The following SMC1B variants were observed in gnomAD, a reference collection of about 807,000 sequenced individuals.
The protein encoded by SMC1B is structural maintenance of chromosomes protein 1B.
A neutral mutation model predicts 157.9 loss-of-function variants in SMC1B; 60 were observed. That is an observed-to-expected ratio of 0.38 (90% CI 0.31 to 0.47). The LOEUF is 0.47. SMC1B is among the 20% of genes least tolerant of loss of function. SMC1B has a pLI of 0.99. For synonymous variants in SMC1B, 445 were observed against 483.0 expected (o/e 0.92, Z 1.03); for missense variants, 1,165 against 1,426.2 (o/e 0.82, Z 2.95).
intron 4 of SMC1B, 98 bp from the exon 5 acceptor site, chr22:45,402,669 G>A (rs568850270): frequency 6.1e-6 from 5 of 819,998 alleles, no homozygotes; most frequent in South Asian, 5.0e-5. Flanking sequence ...ACTAATGAAT[G>A]TTTATTTATT....
chr22:45,395,652 G>C (rs1026765784), intron 7 of SMC1B, among the ~76,000 whole-genome samples: 1 of 152,182 alleles, frequency 6.6e-6, no homozygotes, highest in African/African-American at 2.4e-5. Context: ...GAGGTCAGGA[G>C]TTCAAGACCA....
At chr22:45,394,562 G>A (rs545303593) in intron 8 of SMC1B, 123 bp downstream of exon 8, 46 of 1,175,254 alleles carry the variant, frequency 3.9e-5, no homozygotes, top group African/African-American at 2.2e-4. Flanking sequence ...TGTGAGCCCC[G>A]GAAGTTGAGG....
chr22:45,354,069 C>CT lies in SMC1B; in HGVS notation c.3181dup (p.Arg1061LysfsTer11). On this transcript the variant is annotated frameshift_variant, in exon 21 of 25. Transcript: ENST00000357450. LOFTEE classifies it high-confidence loss of function. ...ACACTGGGTGAAAAGATCGTATCTC[C>CT]TTTTTTTCACTTGCTCGAACTCTTG... is the stretch of plus-strand genomic sequence containing the variant. 1.9e-6 allele frequency: 3 copies of CT among 1,601,908 alleles called. No homozygotes were observed. The highest frequency in any genetic ancestry group is 1.8e-5 in the Admixed American group (1 of 57,078).
At chr22:45,408,111 G>A (rs1439426621) in intron 2 of SMC1B, among the ~76,000 whole-genome samples, 1 of 152,022 alleles carries the variant, frequency 6.6e-6, no homozygotes, top group African/African-American at 2.4e-5. Context: ...TGTCTTCAAG[G>A]TACTCCTTCC....
chr22:45,387,004 T>A lies in SMC1B; in HGVS notation c.1774A>T (p.Lys592Ter). 6.2e-7 allele frequency: 1 copy of A among 1,614,080 alleles called. No homozygotes were observed. Among genetic ancestry groups the A allele is most frequent in the East Asian group, 2.2e-5 (1 of 44,866 alleles). Residue 592 changes from lysine (K) to a stop codon, truncating the protein, a stop_gained, in exon 11 of 25, where the codon AAA (lysine) becomes TAA (stop). Coordinates refer to ENST00000357450, the MANE Select transcript of SMC1B (RefSeq NM_148674.5). LOFTEE classifies it high-confidence loss of function. ...GTCTTTATGACATCAATCACCATTT[T>A]ACAGCCTTTAAGCTCCCTTAGTCTT... ...NERLRELKGC[K>*]MVIDVIKTQF...
intron 5 of SMC1B, 86 bp downstream of exon 5, chr22:45,402,247 A>G: frequency 1.0e-6 from 1 of 953,492 alleles, no homozygotes. Context: ...TTATTTTTAA[A>G]ATCAATTTTC....
intron 12 of SMC1B, among the ~76,000 whole-genome samples, chr22:45,382,348 T>C (rs1437213204): frequency 6.6e-6 from 1 of 152,124 alleles, no homozygotes; most frequent in Non-Finnish European, 1.5e-5. Context: ...CTAAGCTAAG[T>C]GAAGAAAACA....
intron 18 of SMC1B, among the ~76,000 whole-genome samples, chr22:45,359,194 G>A (rs936283033): frequency 1.3e-5 from 2 of 152,204 alleles, no homozygotes; most frequent in African/African-American, 4.8e-5. Context: ...AGAGATTTCA[G>A]CATCCTCGGA....
chr22:45,380,079 G>A (rs113042051), intron 12 of SMC1B, among the ~76,000 whole-genome samples: 43 of 152,246 alleles, frequency 2.8e-4, no homozygotes, highest in African/African-American at 9.1e-4. Context: ...CATGGAGTAC[G>A]TGGATGACAA....
At chr22:45,365,755 C>T (rs1225444342) in intron 15 of SMC1B, among the ~76,000 whole-genome samples, 1 of 151,762 alleles carries the variant, frequency 6.6e-6, no homozygotes, top group African/African-American at 2.4e-5. Context: ...TAGTAGAAAC[C>T]AACTAGCAAA....
chr22:45,345,996 G>T (rs2086547892), intron 23 of SMC1B, among the ~76,000 whole-genome samples: 1 of 151,390 alleles, frequency 6.6e-6, no homozygotes, highest in Admixed American at 6.6e-5. Context: ...CAGAGGTCAG[G>T]AGTTCAAAAC....
chr22:45,362,489 G>C (rs1011385795), intron 16 of SMC1B, among the ~76,000 whole-genome samples: 2 of 152,122 alleles, frequency 1.3e-5, no homozygotes, highest in Admixed American at 6.6e-5. Flanking sequence ...TGTGGTTTCA[G>C]TTTACTCCCA....
chr22:45,407,760 T>C lies in SMC1B; in HGVS notation c.299-895A>G, dbSNP rs1469061111. On this transcript the variant is annotated intron_variant, in intron 2 of 24. Coordinates refer to ENST00000357450, the MANE Select transcript of SMC1B (RefSeq NM_148674.5). ...CCCATGCCCAGCCTATATTATCTTATATAAAAATGCAGATTCACTGAGCTA... is the reference window on the plus strand; with the variant it reads ...CCCATGCCCAGCCTATATTATCTTACATAAAAATGCAGATTCACTGAGCTA... Among the ~76,000 whole-genome samples the C allele has an allele frequency of 2.0e-5, 3 of 151,978 alleles. No homozygotes were observed. In the East Asian group the frequency reaches 5.8e-4, roughly 29 times the overall value.
intron 10 of SMC1B, among the ~76,000 whole-genome samples, chr22:45,388,866 T>TA (rs1413284157): frequency 6.6e-6 from 1 of 150,468 alleles, no homozygotes; most frequent in Non-Finnish European, 1.5e-5. Flanking sequence ...CACATACCTG[T>TA]AACCCAGCTA....
intron 17 of SMC1B, 142 bp downstream of exon 17, chr22:45,361,697 A>G: frequency 2.6e-6 from 2 of 783,488 alleles, no homozygotes; most frequent in Non-Finnish European, 2.1e-6. Context: ...GAAAAAAATT[A>G]CAATGTTTGA....
chr22:45,362,850 A>G (rs1244914751), intron 16 of SMC1B, 35 bp downstream of exon 16: 2 of 1,556,448 alleles, frequency 1.3e-6, no homozygotes, highest in Non-Finnish European at 1.8e-6. Context: ...CATAATTTCA[A>G]TGAAGAGGCA....
chr22:45,377,840 G>T lies in SMC1B; in HGVS notation c.2059-5548C>A, dbSNP rs369212496. 5.5e-4 allele frequency among the ~76,000 whole-genome samples: 84 copies of T among 151,354 alleles called. 2 individuals carry two copies. In the South Asian group the frequency reaches 0.017, roughly 30 times the overall value. On this transcript the variant is annotated intron_variant, in intron 12 of 24. Coordinates refer to ENST00000357450, the MANE Select transcript of SMC1B (RefSeq NM_148674.5). ...CAAAAGCCACCACGCCTGGCCAGTT[G>T]TTCTAATTGCTTTCCTTTTTTTTTT...
intron 17 of SMC1B, 94 bp from the exon 18 acceptor site, chr22:45,360,052 G>A: frequency 1.1e-6 from 1 of 939,198 alleles, no homozygotes; most frequent in Non-Finnish European, 1.6e-6. Context: ...TATGAAAAAA[G>A]AATTATTTAT....
At chr22:45,365,891 T>A (rs5764706) in intron 15 of SMC1B, among the ~76,000 whole-genome samples, 58,181 of 152,080 alleles carry the variant, frequency 0.38, 13,698 homozygotes, top group Non-Finnish European at 0.53. Context: ...TATAGATGAT[T>A]AGAATAAATG....
Sources: gnomAD v4.1 joint callset for allele counts (sites outside exome capture counted in the v4.1 genomes callset) on GRCh38, gnomAD v4.1.1 for gene constraint, MANE v1.5 for transcripts, NCBI Gene and HGNC (gene_info 2026-07-23, HGNC 2026-07-21) for gene names.